RAPGEF2: variants seen among roughly 807,000 people sequenced by gnomAD.
RAPGEF2 encodes PDZ domain containing guanine nucleotide exchange factor (GEF) 1.
Under a neutral mutation model 186.7 loss-of-function variants are expected in RAPGEF2, and 54 were observed. The ratio of observed to expected loss-of-function variants is 0.29; its 90% confidence interval spans 0.23 to 0.36. The LOEUF is 0.36. RAPGEF2 is among the 10% of genes least tolerant of loss of function. The pLI is 1.00. For missense variants in RAPGEF2, 1,532 were observed against 2,045.0 expected, an observed-to-expected ratio of 0.75 and a Z score of 4.84; for synonymous variants, 712 against 705.9, an observed-to-expected ratio of 1.01 and a Z score of -0.14.
intron 1 of RAPGEF2, among the ~76,000 whole-genome samples, chr4:159,118,092 C>T (rs992018817): frequency 1.3e-5 from 2 of 152,114 alleles, no homozygotes; most frequent in Non-Finnish European, 2.9e-5. Flanking sequence ...AGACTGGTAG[C>T]AGTCCATGGC....
At chr4:159,183,092 C>A (rs1254605463) in intron 1 of RAPGEF2, among the ~76,000 whole-genome samples, 1 of 152,154 alleles carries the variant, frequency 6.6e-6, no homozygotes, top group African/African-American at 2.4e-5. Flanking sequence ...ATTGAAAATG[C>A]AAGGCACCTA....
chr4:159,347,589 C>G (rs1366450681), intron 25 of RAPGEF2, among the ~76,000 whole-genome samples: 1 of 151,958 alleles, frequency 6.6e-6, no homozygotes, highest in Non-Finnish European at 1.5e-5. Flanking sequence ...TCCAGACCAT[C>G]CTGGCTAACA....
Position 159,350,157 on chromosome 4 carries a change from T to C in RAPGEF2, c.3733T>C (p.Leu1245=). Residue 1245 remains leucine, a synonymous_variant, in exon 26 of 30, where the codon TTA becomes CTA. Transcript: ENST00000691494. ...TATAGGCATAAACTCTCCACAAGCTTTAAAAAAAATTCTTTCTTTGTCTGA... is the reference window on the plus strand; with the variant it reads ...TATAGGCATAAACTCTCCACAAGCTCTAAAAAAAATTCTTTCTTTGTCTGA... ...PPFGINSPQA[L]KKILSLSEEG... The C allele has an allele frequency of 1.3e-6, 2 of 1,572,532 alleles. No individual in the cohort carries two copies. The highest frequency in any genetic ancestry group is 1.7e-6 in the Non-Finnish European group (2 of 1,158,910).
chr4:159,350,017 A>G (rs1430519219), intron 25 of RAPGEF2, 120 bp from the exon 26 acceptor site: 1 of 578,442 alleles, frequency 1.7e-6, no homozygotes, highest in African/African-American at 1.9e-5. Flanking sequence ...TAGATTGTAA[A>G]TAGGTTGAAC....
At chr4:159,172,746 T>C (rs1746045021) in intron 1 of RAPGEF2, among the ~76,000 whole-genome samples, 1 of 152,220 alleles carries the variant, frequency 6.6e-6, no homozygotes, top group Non-Finnish European at 1.5e-5. Context: ...AAACATGTAT[T>C]GAAAGGTGAG....
At chr4:159,172,247 A>T (rs1406304065) in intron 1 of RAPGEF2, among the ~76,000 whole-genome samples, 1 of 152,114 alleles carries the variant, frequency 6.6e-6, no homozygotes, top group African/African-American at 2.4e-5. Flanking sequence ...TTCTTCCTGT[A>T]TGGGTCCTGT....
At chr4:159,271,170 C>A (rs1049148375) in intron 7 of RAPGEF2, among the ~76,000 whole-genome samples, 1 of 152,028 alleles carries the variant, frequency 6.6e-6, no homozygotes, top group African/African-American at 2.4e-5. Flanking sequence ...AAGTGGAGCT[C>A]TTCTCTCCCC....
chr4:159,301,603 T>C (rs1213183740), intron 7 of RAPGEF2, among the ~76,000 whole-genome samples: 1 of 152,054 alleles, frequency 6.6e-6, no homozygotes, highest in African/African-American at 2.4e-5. Flanking sequence ...TGGCTCACAC[T>C]TGTAATCCCA....
intron 9 of RAPGEF2, among the ~76,000 whole-genome samples, chr4:159,317,292 C>A (rs577756156): frequency 6.6e-6 from 1 of 152,270 alleles, no homozygotes; most frequent in South Asian, 2.1e-4. Flanking sequence ...ATTCATTCAG[C>A]TAATGTGGGT....
chr4:159,281,645 T>C (rs1206084347), intron 7 of RAPGEF2, among the ~76,000 whole-genome samples: 1 of 133,648 alleles, frequency 7.5e-6, no homozygotes, highest in Non-Finnish European at 1.5e-5. Flanking sequence ...CACTCTAGCC[T>C]GGGCAACAAG....
rs1178544059 is a variant in RAPGEF2 at position 159,304,317 on chromosome 4, C to T, written c.544-25C>T. 4.5e-6 allele frequency: 7 copies of T among 1,559,344 alleles called. No individual in the cohort carries two copies. In the Admixed American group the frequency reaches 5.3e-5, roughly 12 times the overall value. ...GGAGTTCTTGATTCAGATTGTAATC[C>T]TAGTTTTTCCTGCTCCTTCCATAGC... On this transcript the variant is annotated intron_variant, in intron 7 of 29. Transcript: ENST00000691494.
intron 1 of RAPGEF2, among the ~76,000 whole-genome samples, chr4:159,107,164 C>G (rs143894531): frequency 6.6e-6 from 1 of 152,248 alleles, no homozygotes; most frequent in African/African-American, 2.4e-5. Flanking sequence ...TAACAAACTT[C>G]CTTGAAAATA....
At chr4:159,202,244 G>A (rs903261474) in intron 3 of RAPGEF2, among the ~76,000 whole-genome samples, 13 of 152,264 alleles carry the variant, frequency 8.5e-5, no homozygotes, top group Admixed American at 6.5e-4. Flanking sequence ...CCCCTGGGCC[G>A]CTTCAGGCTT....
At chr4:159,104,427 T>A (rs1267842776) in intron 1 of RAPGEF2, among the ~76,000 whole-genome samples, 196 bp downstream of exon 1, 1 of 150,006 alleles carries the variant, frequency 6.7e-6, no homozygotes, top group African/African-American at 2.5e-5. Flanking sequence ...TCCCTCTCCT[T>A]GACATTCTGC....
intron 29 of RAPGEF2, among the ~76,000 whole-genome samples, chr4:159,356,737 C>T (rs1473700585): frequency 6.6e-6 from 1 of 151,758 alleles, no homozygotes; most frequent in African/African-American, 2.4e-5. Context: ...CCTGTCTCTA[C>T]TAAAAATACA....
At chr4:159,169,969 T>C (rs1392087283) in intron 1 of RAPGEF2, among the ~76,000 whole-genome samples, 2 of 152,192 alleles carry the variant, frequency 1.3e-5, no homozygotes, top group Middle Eastern at 3.2e-3. Context: ...AGTCCTATTT[T>C]TAATTTTTTT....
chr4:159,254,822 A>G (rs1242241171), intron 7 of RAPGEF2, among the ~76,000 whole-genome samples: 1 of 151,994 alleles, frequency 6.6e-6, no homozygotes, highest in Non-Finnish European at 1.5e-5. Flanking sequence ...GCTGGTCTCG[A>G]ACTCTTAACC....
At chr4:159,303,421 T>C (rs1329413287) in intron 7 of RAPGEF2, among the ~76,000 whole-genome samples, 2 of 152,184 alleles carry the variant, frequency 1.3e-5, no homozygotes, top group East Asian at 3.8e-4. Flanking sequence ...TTCATGATGC[T>C]AGTTAACATG....
In RAPGEF2 at chr4:159,304,358, C is replaced by G; in HGVS notation, c.560C>G (p.Thr187Arg). 1 of 1,605,244 alleles carries G rather than the reference C, an allele frequency of 6.2e-7. No individual in the cohort carries two copies. ...CTKSQLPADF[T>R]KLHLTDSLHP... ...CTTCCATAGCTTCCTGCAGATTTCA[C>G]AAAACTGCATCTTACTGACAGTCTC... is the stretch of plus-strand genomic sequence containing the variant. The change falls in exon 8 of 30, where the codon ACA becomes AGA. Residue 187 changes from threonine to arginine, a missense_variant. Physicochemically the swap from Thr to Arg is moderately conservative, Grantham distance 71. Transcript: ENST00000691494.
Sources: gnomAD v4.1 joint callset for allele counts (sites outside exome capture counted in the v4.1 genomes callset) on GRCh38, gnomAD v4.1.1 for gene constraint, MANE v1.5 for transcripts, NCBI Gene and HGNC (gene_info 2026-07-23, HGNC 2026-07-21) for gene names.